SLC44A5: variants seen among roughly 807,000 people sequenced by gnomAD.
The protein encoded by SLC44A5 is solute carrier family 44 member 5, also known as choline transporter-like protein 5.
Under a neutral mutation model 101.8 loss-of-function variants are expected in SLC44A5, and 57 were observed. The observed-to-expected ratio is 0.56, with a 90% CI of 0.45 to 0.70. SLC44A5 has a LOEUF of 0.70. Ranked by LOEUF, SLC44A5 falls within the 30% of genes least tolerant of loss-of-function variation. The pLI is 0.00. For synonymous variants in SLC44A5, 281 were observed against 290.9 expected (o/e 0.97, Z 0.35); for missense variants, 737 against 853.1 (o/e 0.86, Z 1.70).
At chr1:75,571,682 T>G (rs1349996763) in intron 1 of SLC44A5, among the ~76,000 whole-genome samples, 1 of 152,162 alleles carries the variant, frequency 6.6e-6, no homozygotes, top group East Asian at 1.9e-4. Context: ...AACTATGATG[T>G]TTGGTAGGTT....
At chr1:75,387,300 C>T (rs1389955455) in intron 3 of SLC44A5, among the ~76,000 whole-genome samples, 1 of 148,578 alleles carries the variant, frequency 6.7e-6, no homozygotes, top group Non-Finnish European at 1.5e-5. Flanking sequence ...AAAATTTTCG[C>T]AACCTACTCA....
At chr1:75,438,231 T>C (rs1196766505) in intron 2 of SLC44A5, among the ~76,000 whole-genome samples, 1 of 152,104 alleles carries the variant, frequency 6.6e-6, no homozygotes, top group African/African-American at 2.4e-5. Flanking sequence ...CTGGAAGTTA[T>C]TGATGACCTT....
chr1:75,306,365 G>T (rs1315521574), intron 4 of SLC44A5, among the ~76,000 whole-genome samples: 1 of 152,262 alleles, frequency 6.6e-6, no homozygotes, highest in Non-Finnish European at 1.5e-5. Context: ...TTAGTGAGAT[G>T]CACCCTTCAC....
At chr1:75,365,828 A>AG (rs1354395446) in intron 3 of SLC44A5, among the ~76,000 whole-genome samples, 2 of 152,034 alleles carry the variant, frequency 1.3e-5, no homozygotes, top group Non-Finnish European at 2.9e-5. Flanking sequence ...TGTTGTTACC[A>AG]GGGGGGTTAA....
At chr1:75,578,428 T>TGATA (rs763886568) in intron 1 of SLC44A5, among the ~76,000 whole-genome samples, 13 of 152,160 alleles carry the variant, frequency 8.5e-5, no homozygotes, top group Middle Eastern at 3.4e-3. Context: ...GACAGATGAT[T>TGATA]GATAGATAGA....
At chr1:75,530,927 A>C (rs1489650535) in intron 2 of SLC44A5, among the ~76,000 whole-genome samples, 1 of 152,194 alleles carries the variant, frequency 6.6e-6, no homozygotes, top group African/African-American at 2.4e-5. Context: ...CAGAAAATTA[A>C]TGAATATTAA....
intron 4 of SLC44A5, among the ~76,000 whole-genome samples, chr1:75,316,374 C>T (rs1655687063): frequency 6.6e-6 from 1 of 152,150 alleles, no homozygotes; most frequent in African/African-American, 2.4e-5. Context: ...ACATCATCAA[C>T]ACCCAGCTTA....
intron 3 of SLC44A5, among the ~76,000 whole-genome samples, chr1:75,351,343 G>A (rs868688908): frequency 6.6e-6 from 1 of 151,916 alleles, no homozygotes. Context: ...AATAAATGGT[G>A]GTAGGACGAT....
At chr1:75,622,896 T>A in the SLC44A5 span, among the ~76,000 whole-genome samples, 79 of 152,280 alleles carry the variant, frequency 5.2e-4, no homozygotes, top group Non-Finnish European at 1.0e-3. Flanking sequence ...TTCCCTCATA[T>A]ATGAGTGAAT....
At chr1:75,651,153 T>C in the SLC44A5 span, among the ~76,000 whole-genome samples, 7 of 152,338 alleles carry the variant, frequency 4.6e-5, 1 homozygote, top group African/African-American at 1.7e-4. Flanking sequence ...AGAAGTCATT[T>C]ACCATTCTTA....
chr1:75,521,651 T>G (rs1043776006), intron 2 of SLC44A5: 1 of 152,424 alleles, frequency 6.6e-6, no homozygotes, highest in African/African-American at 2.4e-5. Context: ...ACTATAGTAA[T>G]TCTCCGGAAT....
At chr1:75,545,161 T>A (rs1320158214) in intron 1 of SLC44A5, among the ~76,000 whole-genome samples, 2 of 152,162 alleles carry the variant, frequency 1.3e-5, no homozygotes, top group Non-Finnish European at 2.9e-5. Flanking sequence ...TCCAGTTTCA[T>A]CCATGTCTCT....
chr1:75,366,141 T>C (rs1659840872), intron 3 of SLC44A5, among the ~76,000 whole-genome samples: 1 of 152,224 alleles, frequency 6.6e-6, no homozygotes, highest in Non-Finnish European at 1.5e-5. Flanking sequence ...TATACTTTCA[T>C]GTGTTTTCAT....
At chr1:75,623,071 C>T in the SLC44A5 span, among the ~76,000 whole-genome samples, 1 of 151,964 alleles carries the variant, frequency 6.6e-6, no homozygotes, top group Non-Finnish European at 1.5e-5. Context: ...AAACTATATG[C>T]CAGTCGTTCT....
At chr1:75,274,543 C>T (rs990618550) in intron 6 of SLC44A5, among the ~76,000 whole-genome samples, 8 of 151,926 alleles carry the variant, frequency 5.3e-5, no homozygotes, top group African/African-American at 7.3e-5. Context: ...CCCCTTACTT[C>T]GAAAGGTGGA....
At chr1:75,615,432 T>TACACACACAC (rs776361396), upstream of SLC44A5, among the ~76,000 whole-genome samples, 1,641 of 76,624 alleles carry the variant, frequency 0.021, 22 homozygotes, top group Non-Finnish European at 0.026. Flanking sequence ...CACACACACA[T>TACACACACAC]ACATACACAC....
At chr1:75,609,864 G>T (rs921852328) in intron 1 of SLC44A5, among the ~76,000 whole-genome samples, 8 of 152,078 alleles carry the variant, frequency 5.3e-5, no homozygotes, top group Admixed American at 5.2e-4. Context: ...AAATTTTAGT[G>T]GTTTAAGACA....
chr1:75,686,218 A>T, the SLC44A5 span, among the ~76,000 whole-genome samples: 1 of 152,180 alleles, frequency 6.6e-6, no homozygotes, highest in African/African-American at 2.4e-5. Context: ...GAACAAAATA[A>T]TGCCTTTTGT....
chr1:75,607,531 AC>A (rs768040915), intron 1 of SLC44A5, among the ~76,000 whole-genome samples: 13 of 152,038 alleles, frequency 8.6e-5, no homozygotes, highest in Non-Finnish European at 1.6e-4. Context: ...AATTATTACA[AC>A]CAAATTTAAT....
Sources: gnomAD v4.1 joint callset for allele counts (sites outside exome capture counted in the v4.1 genomes callset) on GRCh38, gnomAD v4.1.1 for gene constraint, MANE v1.5 for transcripts, NCBI Gene and HGNC (gene_info 2026-07-23, HGNC 2026-07-21) for gene names.